The following MAP3K20 variants were observed in gnomAD, a reference collection of about 807,000 sequenced individuals.
The protein encoded by MAP3K20 is HCCS-4.
Under a neutral mutation model 85.7 loss-of-function variants are expected in MAP3K20, and 40 were observed. The ratio of observed to expected loss-of-function variants is 0.47; its 90% CI spans 0.36 to 0.61. The LOEUF (loss-of-function observed/expected upper bound fraction) is 0.61. Ranked by LOEUF, MAP3K20 falls within the 20% of genes least tolerant of loss-of-function variation. The pLI, the probability that MAP3K20 is intolerant of heterozygous loss-of-function variation, is 0.00. For synonymous variants in MAP3K20, 325 were observed against 327.7 expected (o/e 0.99, Z 0.09); for missense variants, 817 against 961.7 (o/e 0.85, Z 1.99).
At chr2:173,137,692 G>A (rs1425526328) in intron 2 of MAP3K20, among the ~76,000 whole-genome samples, 1 of 152,078 alleles carries the variant, frequency 6.6e-6, no homozygotes, top group South Asian at 2.1e-4. Context: ...AAAAAGAAAA[G>A]GGAATCTATG....
intron 2 of MAP3K20, among the ~76,000 whole-genome samples, chr2:173,137,413 C>G (rs1487453318): frequency 6.6e-6 from 1 of 152,014 alleles, no homozygotes; most frequent in Non-Finnish European, 1.5e-5. Context: ...CCTATGTTCT[C>G]TGTTTGGGAA....
chr2:173,091,637 T>C (rs1213063555), intron 2 of MAP3K20, among the ~76,000 whole-genome samples: 2 of 152,216 alleles, frequency 1.3e-5, no homozygotes, highest in Non-Finnish European at 2.9e-5. Context: ...TTTTTTTAAC[T>C]GAAATATGCA....
At chr2:173,212,255 A>G (rs1683923839) in intron 10 of MAP3K20, 1 of 119,762 alleles carries the variant, frequency 8.3e-6, no homozygotes, top group Non-Finnish European at 2.0e-5. Context: ...GATGAGCACA[A>G]GAGTCCCAGG....
At chr2:173,098,271 T>C (rs1214195818) in intron 2 of MAP3K20, among the ~76,000 whole-genome samples, 1 of 152,210 alleles carries the variant, frequency 6.6e-6, no homozygotes, top group Non-Finnish European at 1.5e-5. Context: ...GAGAGCTTTG[T>C]TAACTATACC....
intron 1 of MAP3K20, among the ~76,000 whole-genome samples, chr2:173,087,896 CG>C (rs1267792738): frequency 6.6e-6 from 1 of 151,918 alleles, no homozygotes; most frequent in South Asian, 2.1e-4. Flanking sequence ...AGGGAAGATG[CG>C]AAATCCAAAG....
chr2:173,141,746 A>T (rs1276674329), intron 2 of MAP3K20, among the ~76,000 whole-genome samples: 1 of 152,206 alleles, frequency 6.6e-6, no homozygotes, highest in African/African-American at 2.4e-5. Flanking sequence ...TAAATTAAAA[A>T]TGAAAACCAG....
At chr2:173,261,451 A>AT (rs960259950) in intron 18 of MAP3K20, among the ~76,000 whole-genome samples, 25 of 152,070 alleles carry the variant, frequency 1.6e-4, no homozygotes, top group Non-Finnish European at 4.4e-5. Flanking sequence ...GTTAATACTA[A>AT]TTTTTTTTAA....
intron 2 of MAP3K20, among the ~76,000 whole-genome samples, chr2:173,137,178 T>TC (rs1688820863): frequency 6.6e-6 from 1 of 152,218 alleles, no homozygotes; most frequent in Non-Finnish European, 1.5e-5. Flanking sequence ...GATTAAGCTC[T>TC]TTAATCTGTT....
intron 11 of MAP3K20, chr2:173,226,765 T>C (rs1684399930): frequency 2.0e-6 from 2 of 985,624 alleles, no homozygotes; most frequent in Non-Finnish European, 1.2e-6. Context: ...ACTGCACATA[T>C]TGCTTTTGCA....
At chr2:173,129,699 G>GTTA (rs1688552489) in intron 2 of MAP3K20, among the ~76,000 whole-genome samples, 1 of 152,186 alleles carries the variant, frequency 6.6e-6, no homozygotes. Context: ...TTCATTAAGC[G>GTTA]ATATGGAGGT....
chr2:173,152,228 G>A (rs544608107), intron 2 of MAP3K20, among the ~76,000 whole-genome samples: 1 of 152,270 alleles, frequency 6.6e-6, no homozygotes, highest in East Asian at 1.9e-4. Flanking sequence ...ATGTAGATTG[G>A]TATATTGCAT....
At chr2:173,261,036 T>TA (rs771935778) in intron 17 of MAP3K20, 27 bp from the exon 18 acceptor site, 74 of 1,609,258 alleles carry the variant, frequency 4.6e-5, no homozygotes, top group Admixed American at 2.8e-4. Context: ...GTTATGGTAC[T>TA]ACACCATCCT....
rs969532573 is a variant in MAP3K20, at chr2:173,222,378, T to C, written c.987+5128T>C. 6.1e-6 allele frequency: 6 copies of C among 985,724 alleles called. No homozygotes were observed. In the African/African-American group the frequency reaches 7.0e-5, roughly 11 times the overall value. The allele number at this position is 985,724 out of a possible 1,614,324, so 61.1% of individuals were successfully genotyped here. The stretch of plus-strand genomic sequence containing the variant: ...CTGAGCAGTGTTCTCAGTAATGTAT[T>C]TGAAGGAAAAATACCCTGATTTGAA... On this transcript the variant is annotated intron_variant, in intron 11 of 19. Coordinates refer to ENST00000375213, the MANE Select transcript of MAP3K20 (RefSeq NM_016653.3).
chr2:173,219,110 G>T (rs564455343), intron 11 of MAP3K20, among the ~76,000 whole-genome samples: 1 of 152,252 alleles, frequency 6.6e-6, no homozygotes, highest in East Asian at 1.9e-4. Context: ...CAGATATTTT[G>T]TAAGTAGGTA....
intron 12 of MAP3K20, among the ~76,000 whole-genome samples, chr2:173,230,324 G>A (rs572246155): frequency 1.3e-5 from 2 of 152,242 alleles, no homozygotes; most frequent in Non-Finnish European, 2.9e-5. Context: ...TGAAAAAAAA[G>A]TGATATTAAA....
At chr2:173,145,185 C>T (rs1006538058) in intron 2 of MAP3K20, among the ~76,000 whole-genome samples, 1 of 151,440 alleles carries the variant, frequency 6.6e-6, no homozygotes, top group Non-Finnish European at 1.5e-5. Flanking sequence ...ATTCCTTAGA[C>T]AAACCATAAC....
intron 11 of MAP3K20, chr2:173,225,222 A>G (rs1233485500): frequency 9.7e-6 from 8 of 827,394 alleles, no homozygotes; most frequent in Non-Finnish European, 1.2e-5. Context: ...TGTCACAGCA[A>G]CTGGGGTGGC....
intron 3 of MAP3K20, among the ~76,000 whole-genome samples, chr2:173,179,532 A>T (rs1574082935): frequency 6.6e-6 from 1 of 152,324 alleles, no homozygotes; most frequent in South Asian, 2.1e-4. Flanking sequence ...TTTTCTCCCC[A>T]AGACTGGGAA....
intron 2 of MAP3K20, among the ~76,000 whole-genome samples, chr2:173,121,256 T>C (rs1221857217): frequency 6.6e-6 from 1 of 152,230 alleles, no homozygotes; most frequent in Non-Finnish European, 1.5e-5. Context: ...ATGAGCCCAT[T>C]GCTTCATTCC....
Sources: gnomAD v4.1 joint callset for allele counts (sites outside exome capture counted in the v4.1 genomes callset) on GRCh38, gnomAD v4.1.1 for gene constraint, MANE v1.5 for transcripts, NCBI Gene and HGNC (gene_info 2026-07-23, HGNC 2026-07-21) for gene names.